The following CEP83 variants were observed in gnomAD, a reference collection of about 807,000 sequenced individuals.
CEP83 encodes centrosomal protein 83, also known as centrosomal protein of 83 kDa.
Under a neutral mutation model 101.9 loss-of-function variants are expected in CEP83, and 70 were observed. The observed-to-expected ratio is 0.69, with a 90% CI of 0.57 to 0.84. The LOEUF (loss-of-function observed/expected upper bound fraction) is 0.84, where lower values mean the gene tolerates loss of function less well. Ranked by LOEUF, CEP83 falls within the 40% of genes least tolerant of loss-of-function variation. The probability of loss-of-function intolerance (pLI) is 0.00; values close to 1 mark genes in which losing one functional copy is unlikely to be tolerated. For missense variants in CEP83, 715 were observed against 787.2 expected, an observed-to-expected ratio of 0.91 and a Z score of 1.10; for synonymous variants, 264 against 267.9, an observed-to-expected ratio of 0.99 and a Z score of 0.14.
chr12:94,365,715 A>G (rs1040572919), intron 11 of CEP83, among the ~76,000 whole-genome samples: 1 of 150,578 alleles, frequency 6.6e-6, no homozygotes, highest in Non-Finnish European at 1.5e-5. Flanking sequence ...GGCTGCAGTG[A>G]GCCAAGATCG....
At chr12:94,372,022 G>A (rs2137066524) in intron 8 of CEP83, among the ~76,000 whole-genome samples, 1 of 152,224 alleles carries the variant, frequency 6.6e-6, no homozygotes, top group African/African-American at 2.4e-5. Context: ...CGCCCAGGCT[G>A]GAGTACAGTG....
intron 5 of CEP83, chr12:94,402,464 T>C (rs956012954): frequency 1.3e-5 from 2 of 151,598 alleles, no homozygotes; most frequent in African/African-American, 4.9e-5. Context: ...TAAGCAGTAA[T>C]GGGAAAGGCA....
At chr12:94,368,663 C>T (rs1842405483) in intron 9 of CEP83, 1 of 152,608 alleles carries the variant, frequency 6.6e-6, no homozygotes, top group Non-Finnish European at 1.5e-5. Flanking sequence ...ATAACATGGA[C>T]ACTTTCAAGT....
At chr12:94,396,757 T>C (rs2062926624) in intron 6 of CEP83, among the ~76,000 whole-genome samples, 1 of 152,160 alleles carries the variant, frequency 6.6e-6, no homozygotes, top group Non-Finnish European at 1.5e-5. Flanking sequence ...CTAAATAATA[T>C]TGTTACTTTC....
intron 2 of CEP83, among the ~76,000 whole-genome samples, chr12:94,425,994 C>A (rs192939038): frequency 1.3e-5 from 2 of 151,858 alleles, no homozygotes; most frequent in Non-Finnish European, 2.9e-5. Context: ...TGGTGACAGG[C>A]GCCTGTAGTC....
chr12:94,298,896 T>C, the CEP83 span: 1 of 1,143,320 alleles, frequency 8.7e-7, no homozygotes, highest in East Asian at 2.6e-5. Flanking sequence ...TTTATCTCTA[T>C]ATCAGAATCT....
intron 6 of CEP83, among the ~76,000 whole-genome samples, chr12:94,380,530 TC>T (rs1247897890): frequency 6.6e-6 from 1 of 152,206 alleles, no homozygotes; most frequent in African/African-American, 2.4e-5. Context: ...TACTTTTTTA[TC>T]CACTGTATTC....
At position 94,441,743 on chromosome 12, in the gene CEP83, G is replaced by A. The variant is rs553349972; in HGVS notation, c.-154-6416C>T. Among the ~76,000 whole-genome samples the A allele has an allele frequency of 2.2e-4, 33 of 152,022 alleles. No individual in the cohort carries two copies. The South Asian group carries it at 5.6e-3, about 26-fold the overall frequency. ...ATCTTGACTAACATGGTAAAACCCC[G>A]TCTCTACTAAAAATACAAAAAATTA... On this transcript the variant is annotated intron_variant, in intron 1 of 16. Transcript: ENST00000397809.
chr12:94,406,738 G>A (rs2063560139), intron 4 of CEP83, among the ~76,000 whole-genome samples: 1 of 152,046 alleles, frequency 6.6e-6, no homozygotes, highest in African/African-American at 2.4e-5. Flanking sequence ...TGGCTAACAT[G>A]GTGAAACCCC....
intron 9 of CEP83, 191 bp from the exon 10 acceptor site, chr12:94,368,392 A>G (rs923980675): frequency 3.7e-6 from 2 of 538,554 alleles, no homozygotes; most frequent in Admixed American, 3.6e-5. Context: ...TAAAACTCAG[A>G]GCAAATTTTC....
the CEP83 span, chr12:94,278,209 C>G: frequency 2.7e-6 from 1 of 364,578 alleles, no homozygotes; most frequent in South Asian, 2.0e-5. Context: ...AAGCCAGGCT[C>G]AAAACATTAA....
Position 94,412,608 on chromosome 12 carries a change from A to G in CEP83, c.-101-17T>C. Reference sequence around the variant, plus strand: ...AAATTATACCTGCACAGAGAAATAAACATAATTACATAATTTGCGATCAGT... The same window carrying G: ...AAATTATACCTGCACAGAGAAATAAGCATAATTACATAATTTGCGATCAGT... On this transcript the variant is annotated splice_polypyrimidine_tract_variant and intron_variant, in intron 2 of 16. Coordinates refer to ENST00000397809, the MANE Select transcript of CEP83 (RefSeq NM_016122.3). The G allele has an allele frequency of 2.9e-6, 2 of 688,098 alleles. No individual in the cohort carries two copies. Among genetic ancestry groups the G allele is most frequent in the South Asian group, 4.1e-5 (2 of 48,806 alleles). 42.6% of individuals were successfully genotyped at this position (688,098 alleles called of 1,614,324 possible).
intron 6 of CEP83, among the ~76,000 whole-genome samples, chr12:94,383,534 G>A (rs779014044): frequency 3.9e-5 from 6 of 152,000 alleles, no homozygotes; most frequent in African/African-American, 1.2e-4. Context: ...AATCATCCAA[G>A]TTCAAACACT....
At chr12:94,417,554 C>A (rs546989529) in intron 2 of CEP83, among the ~76,000 whole-genome samples, 7 of 151,786 alleles carry the variant, frequency 4.6e-5, no homozygotes, top group African/African-American at 1.7e-4. Flanking sequence ...TTTGGGAGGC[C>A]GAGGCAGGTG....
chr12:94,380,026 A>G (rs2061751522), intron 6 of CEP83, among the ~76,000 whole-genome samples: 1 of 148,246 alleles, frequency 6.7e-6, no homozygotes. Context: ...GGTTGTTTGT[A>G]GCCAGGATGA....
intron 1 of CEP83, among the ~76,000 whole-genome samples, chr12:94,438,081 T>C (rs1268190714): frequency 6.6e-6 from 1 of 151,948 alleles, no homozygotes; most frequent in Non-Finnish European, 1.5e-5. Flanking sequence ...TACCCAGGCA[T>C]GGTGGCAGGT....
At chr12:94,367,544 A>C (rs1039334263) in intron 11 of CEP83, among the ~76,000 whole-genome samples, 3 of 152,288 alleles carry the variant, frequency 2.0e-5, no homozygotes, top group South Asian at 4.1e-4. Context: ...GACCAGAAGA[A>C]AGACATCAGT....
At chr12:94,451,046 A>G (rs1317290296) in intron 1 of CEP83, among the ~76,000 whole-genome samples, 1 of 152,260 alleles carries the variant, frequency 6.6e-6, no homozygotes, top group African/African-American at 2.4e-5. Flanking sequence ...GATATTTTAC[A>G]AAGATGCCAA....
chr12:94,408,382 A>T (rs1266046181), intron 4 of CEP83, among the ~76,000 whole-genome samples: 1 of 152,230 alleles, frequency 6.6e-6, no homozygotes, highest in East Asian at 1.9e-4. Flanking sequence ...GCTTCCCAGC[A>T]GCCAAAACAA....
Sources: gnomAD v4.1 joint callset for allele counts (sites outside exome capture counted in the v4.1 genomes callset) on GRCh38, gnomAD v4.1.1 for gene constraint, MANE v1.5 for transcripts, NCBI Gene and HGNC (gene_info 2026-07-23, HGNC 2026-07-21) for gene names.